TTLL5: variants seen among roughly 807,000 people sequenced by gnomAD.
TTLL5 encodes tubulin polyglutamylase TTLL5.
A neutral mutation model predicts 168.4 loss-of-function variants in TTLL5; 132 were observed. The ratio of observed to expected loss-of-function variants is 0.78; its 90% CI spans 0.68 to 0.91. TTLL5 has a LOEUF of 0.91. TTLL5 is among the 40% of genes least tolerant of loss of function. The pLI is 0.00. For synonymous variants in TTLL5, 546 were observed against 558.6 expected, an observed-to-expected ratio of 0.98 and a Z score of 0.32; for missense variants, 1,545 against 1,581.5, an observed-to-expected ratio of 0.98 and a Z score of 0.39.
intron 3 of TTLL5, among the ~76,000 whole-genome samples, chr14:75,676,335 A>G (rs1884154334): frequency 6.6e-6 from 1 of 152,224 alleles, no homozygotes. Flanking sequence ...CTATATTTTT[A>G]TATGAATTTT....
chr14:75,869,526 CA>C (rs1484108213), intron 29 of TTLL5, among the ~76,000 whole-genome samples: 3 of 152,146 alleles, frequency 2.0e-5, no homozygotes, highest in Non-Finnish European at 4.4e-5. Flanking sequence ...TACCATATGT[CA>C]AGCACCAAAG....
At chr14:75,773,903 A>ATACATATAT (rs1194006811) in intron 21 of TTLL5, among the ~76,000 whole-genome samples, 5 of 74,730 alleles carry the variant, frequency 6.7e-5, no homozygotes, top group African/African-American at 1.3e-4. Flanking sequence ...AAAAAAAAAA[A>ATACATATAT]ATACATATAT....
At chr14:75,815,411 A>C (rs1894335884) in intron 27 of TTLL5, among the ~76,000 whole-genome samples, 1 of 152,240 alleles carries the variant, frequency 6.6e-6, no homozygotes, top group African/African-American at 2.4e-5. Context: ...ACAAAATCAC[A>C]GTGGCTGCCA....
intron 15 of TTLL5, among the ~76,000 whole-genome samples, chr14:75,739,200 G>T (rs1010457850): frequency 6.6e-6 from 1 of 151,996 alleles, no homozygotes; most frequent in Non-Finnish European, 1.5e-5. Context: ...GTTGTAATAG[G>T]CTTGTTGGAG....
intron 9 of TTLL5, chr14:75,709,189 T>G: frequency 1.3e-6 from 1 of 761,906 alleles, no homozygotes; most frequent in South Asian, 1.3e-5. Context: ...AAAATGCAAT[T>G]GGAAGATGGG....
intron 9 of TTLL5, chr14:75,712,445 C>T (rs1193307792): frequency 7.3e-6 from 1 of 137,910 alleles, no homozygotes; most frequent in Admixed American, 7.7e-5. Flanking sequence ...ATGCCTGTGA[C>T]TCTGACCATA....
intron 28 of TTLL5, chr14:75,838,736 G>GAGGC (rs1333987528): frequency 6.5e-6 from 1 of 152,876 alleles, no homozygotes; most frequent in African/African-American, 2.4e-5. Flanking sequence ...GGGCGAGGGT[G>GAGGC]AGGCACATCA....
chr14:75,801,760 G>A (rs536520676), intron 27 of TTLL5, among the ~76,000 whole-genome samples: 15 of 152,282 alleles, frequency 9.9e-5, no homozygotes, highest in Non-Finnish European at 1.9e-4. Context: ...TAATGGTTTA[G>A]TATAGATTCT....
intron 25 of TTLL5, 26 bp from the exon 26 acceptor site, chr14:75,783,121 G>C: frequency 6.4e-7 from 1 of 1,573,286 alleles, no homozygotes; most frequent in South Asian, 1.2e-5. Flanking sequence ...CTATAATGAT[G>C]TCTTGTTTTG....
At chr14:75,711,172 C>T (rs1359692712) in intron 9 of TTLL5, 1 of 152,196 alleles carries the variant, frequency 6.6e-6, no homozygotes, top group African/African-American at 2.4e-5. Context: ...ACTGTTTTCT[C>T]ATGTGTGGGT....
At chr14:75,739,209 A>G (rs1375195998) in intron 15 of TTLL5, among the ~76,000 whole-genome samples, 4 of 152,000 alleles carry the variant, frequency 2.6e-5, no homozygotes, top group Non-Finnish European at 5.9e-5. Context: ...GGCTTGTTGG[A>G]GAGCAAGACC....
intron 28 of TTLL5, among the ~76,000 whole-genome samples, chr14:75,856,575 A>G (rs143219651): frequency 2.0e-5 from 3 of 147,844 alleles, no homozygotes; most frequent in African/African-American, 2.5e-5. Flanking sequence ...TTTCTATTAG[A>G]TTTATTCTTA....
At chr14:75,928,342 C>CATATATATTTATATATATATATATATAT (rs2034146988) in intron 31 of TTLL5, among the ~76,000 whole-genome samples, 1 of 81,970 alleles carries the variant, frequency 1.2e-5, no homozygotes, top group Non-Finnish European at 2.4e-5. Flanking sequence ...ATGACAAAAA[C>CATATATATTTATATATATATATATATAT]ATATATATAT....
At chr14:75,839,886 G>A (rs1429913548) in intron 28 of TTLL5, among the ~76,000 whole-genome samples, 1 of 152,114 alleles carries the variant, frequency 6.6e-6, no homozygotes, top group African/African-American at 2.4e-5. Context: ...CTCTGTTTAA[G>A]TTTTTTGGCA....
intron 8 of TTLL5, 124 bp downstream of exon 8, chr14:75,707,211 C>T (rs1886718585): frequency 1.4e-6 from 1 of 730,144 alleles, no homozygotes; most frequent in East Asian, 2.7e-5. Context: ...TGTGTGGCTC[C>T]AGAAAGGCAG....
chr14:75,854,622 C>A (rs772209483), intron 28 of TTLL5, among the ~76,000 whole-genome samples: 8 of 151,952 alleles, frequency 5.3e-5, no homozygotes, highest in Non-Finnish European at 7.4e-5. Context: ...CATTTTACAC[C>A]CCCGTCAGCA....
At chr14:75,811,156 A>AGTGTGT (rs148883248) in intron 27 of TTLL5, among the ~76,000 whole-genome samples, 21 of 116,606 alleles carry the variant, frequency 1.8e-4, no homozygotes, top group South Asian at 9.4e-4. Context: ...TGAAAGAAAG[A>AGTGTGT]GTGTGTGTGT....
chr14:75,677,552 A>G (rs915064496), intron 3 of TTLL5, among the ~76,000 whole-genome samples: 8 of 151,718 alleles, frequency 5.3e-5, no homozygotes, highest in African/African-American at 1.7e-4. Context: ...GCACAGCACC[A>G]TGCCTGGCTA....
At chr14:75,744,692 G>A (rs1889488625) in intron 15 of TTLL5, 1 of 155,774 alleles carries the variant, frequency 6.4e-6, no homozygotes, top group African/African-American at 2.4e-5. Flanking sequence ...TTCATCTCCT[G>A]TGCTAAAAAT....
Sources: allele counts gnomAD v4.1 joint callset (sites outside exome capture counted in the v4.1 genomes callset), GRCh38; gene constraint gnomAD v4.1.1; transcripts MANE v1.5; gene names NCBI Gene and HGNC (gene_info 2026-07-23, HGNC 2026-07-21).